The following TYW1 variants were observed in gnomAD, a reference collection of about 807,000 sequenced individuals.
TYW1 encodes tRNA-yW synthesizing protein 1 homolog, also known as S-adenosyl-L-methionine-dependent tRNA 4-demethylwyosine synthase TYW1.
TYW1 carries 46 observed loss-of-function variants against 96.2 expected under a neutral mutation model. That is an observed-to-expected ratio of 0.48 (90% CI 0.38 to 0.61). The LOEUF is 0.61. Among genes scored for constraint, TYW1 ranks in the 20% least tolerant of loss-of-function variants. TYW1 has a pLI of 0.00. For missense variants in TYW1, 684 were observed against 909.6 expected, an observed-to-expected ratio of 0.75 and a Z score of 3.19; for synonymous variants, 274 against 323.0, an observed-to-expected ratio of 0.85 and a Z score of 1.63.
intron 12 of TYW1, among the ~76,000 whole-genome samples, chr7:67,104,501 C>T (rs925201040): frequency 1.3e-5 from 2 of 152,172 alleles, no homozygotes; most frequent in South Asian, 4.2e-4. Context: ...CAGCCATCTC[C>T]CACCAGGCCC....
At chr7:67,002,266 G>A (rs912712413) in intron 3 of TYW1, among the ~76,000 whole-genome samples, 72 of 151,350 alleles carry the variant, frequency 4.8e-4, no homozygotes, top group African/African-American at 1.7e-3. Context: ...GCCCAGGCTG[G>A]TCTTGACTCC....
At chr7:67,223,061 A>G (rs919529806) in intron 15 of TYW1, among the ~76,000 whole-genome samples, 19 of 151,796 alleles carry the variant, frequency 1.3e-4, no homozygotes, top group African/African-American at 4.6e-4. Context: ...TGATATTTCT[A>G]TTTTGTTCAT....
At chr7:67,016,273 C>T (rs1163525425) in intron 5 of TYW1, among the ~76,000 whole-genome samples, 6 of 146,468 alleles carry the variant, frequency 4.1e-5, no homozygotes, top group South Asian at 2.2e-4. Context: ...TACGGCCGGG[C>T]GCAGTGGCAC....
intron 10 of TYW1, among the ~76,000 whole-genome samples, chr7:67,072,413 AT>A (rs1279207789): frequency 7.9e-5 from 12 of 151,750 alleles, no homozygotes; most frequent in African/African-American, 2.9e-4. Context: ...TGCCCTGCTA[AT>A]TTTTTGTATC....
chr7:67,191,163 GAGAC>G (rs1395271309), intron 14 of TYW1, among the ~76,000 whole-genome samples: 1 of 152,182 alleles, frequency 6.6e-6, no homozygotes, highest in African/African-American at 2.4e-5. Flanking sequence ...GACGGACAGA[GAGAC>G]AGACAGATGG....
At chr7:67,021,185 A>G (rs968683888) in intron 6 of TYW1, among the ~76,000 whole-genome samples, 4 of 152,266 alleles carry the variant, frequency 2.6e-5, no homozygotes, top group Admixed American at 2.6e-4. Context: ...CCCTTAAATT[A>G]CCTTCTGTCT....
intron 14 of TYW1, among the ~76,000 whole-genome samples, chr7:67,187,727 T>C (rs1397014357): frequency 2.0e-5 from 3 of 152,264 alleles, no homozygotes; most frequent in African/African-American, 7.2e-5. Context: ...CAATGTTGTA[T>C]GTTCAGATGT....
chr7:67,040,217 C>T (rs1457440020), intron 7 of TYW1, among the ~76,000 whole-genome samples: 2 of 152,164 alleles, frequency 1.3e-5, no homozygotes, highest in African/African-American at 4.8e-5. Flanking sequence ...CTTGGCCTCC[C>T]AAAGTGCTAG....
chr7:67,127,175 T>C (rs77210595), intron 13 of TYW1, among the ~76,000 whole-genome samples: 65 of 150,668 alleles, frequency 4.3e-4, no homozygotes, highest in Admixed American at 5.3e-4. Context: ...TTTTTTTTTT[T>C]CGAGATCGAG....
chr7:67,103,874 A>G (rs1797162894), intron 12 of TYW1, among the ~76,000 whole-genome samples: 2 of 152,234 alleles, frequency 1.3e-5, no homozygotes, highest in South Asian at 4.1e-4. Context: ...CACTGTAAGA[A>G]TTAAAGAAAG....
In TYW1 at chr7:67,012,380, T is replaced by C. The variant is rs192131843; in HGVS notation, c.376-1987T>C. 5.5e-3 allele frequency among the ~76,000 whole-genome samples: 830 copies of C among 152,164 alleles called. 6 individuals are homozygous for C. The highest frequency in any genetic ancestry group is 9.5e-3 in the Non-Finnish European group (644 of 67,980). ...AACCGCAAAAAGGCAGCAAGCAAGATGTGGCTCGTGGATTGTAGTTTACCG... is the reference window on the plus strand; with the variant it reads ...AACCGCAAAAAGGCAGCAAGCAAGACGTGGCTCGTGGATTGTAGTTTACCG... On this transcript the variant is annotated intron_variant, in intron 4 of 15. Transcript: ENST00000359626.
intron 7 of TYW1, among the ~76,000 whole-genome samples, chr7:67,047,563 A>C (rs1795224308): frequency 6.6e-6 from 1 of 151,876 alleles, no homozygotes; most frequent in African/African-American, 2.4e-5. Flanking sequence ...GGAAGCAAAA[A>C]TGTTCATTTG....
intron 8 of TYW1, among the ~76,000 whole-genome samples, chr7:67,053,096 T>A (rs2115572572): frequency 6.6e-6 from 1 of 151,858 alleles, no homozygotes; most frequent in African/African-American, 2.4e-5. Context: ...TTTTTTTTTT[T>A]TTTTTCCTGG....
intron 6 of TYW1, among the ~76,000 whole-genome samples, chr7:67,020,010 T>G (rs1794189343): frequency 6.6e-6 from 1 of 152,268 alleles, no homozygotes; most frequent in Non-Finnish European, 1.5e-5. Context: ...CAATTTCATT[T>G]CAGTCCAAGC....
At chr7:67,085,693 G>A (rs1796527377) in intron 11 of TYW1, among the ~76,000 whole-genome samples, 1 of 152,106 alleles carries the variant, frequency 6.6e-6, no homozygotes, top group African/African-American at 2.4e-5. Flanking sequence ...AGTAGGCTTA[G>A]CACGGTGCCT....
chr7:67,194,937 A>C (rs994893740), intron 14 of TYW1, among the ~76,000 whole-genome samples: 11 of 145,276 alleles, frequency 7.6e-5, no homozygotes, highest in Non-Finnish European at 1.4e-4. Flanking sequence ...GCAGGTACTT[A>C]AGCCCCAGCA....
intron 3 of TYW1, among the ~76,000 whole-genome samples, chr7:67,003,456 A>G (rs1283619726): frequency 1.3e-5 from 2 of 151,550 alleles, no homozygotes; most frequent in East Asian, 3.9e-4. Context: ...AAAAGAAAAG[A>G]TGTTTGTTTG....
chr7:67,128,797 T>A (rs1365798076), intron 13 of TYW1, among the ~76,000 whole-genome samples: 1 of 151,268 alleles, frequency 6.6e-6, no homozygotes, highest in Non-Finnish European at 1.5e-5. Context: ...CAAGCAATTC[T>A]CCTGCCTCAG....
intron 7 of TYW1, among the ~76,000 whole-genome samples, chr7:67,029,112 C>CTT (rs1794556810): frequency 6.6e-6 from 1 of 151,736 alleles, no homozygotes. Context: ...CATTCTCCTG[C>CTT]CTCAGCCTCC....
Sources: allele counts gnomAD v4.1 joint callset (sites outside exome capture counted in the v4.1 genomes callset), GRCh38; gene constraint gnomAD v4.1.1; transcripts MANE v1.5; gene names NCBI Gene and HGNC (gene_info 2026-07-23, HGNC 2026-07-21).